Variants in CSMD3 observed in about 807,000 individuals in gnomAD.
CSMD3 encodes CUB and Sushi multiple domains 3.
In CSMD3, 177 loss-of-function variants were observed where a neutral mutation model predicts 435.2. The ratio of observed to expected loss-of-function variants is 0.41; its 90% CI spans 0.36 to 0.46. CSMD3 has a LOEUF of 0.46. Ranked by LOEUF, CSMD3 falls within the 20% of genes least tolerant of loss-of-function variation. The pLI is 0.34. For synonymous variants in CSMD3, 1,656 were observed against 1,520.5 expected (o/e 1.09, Z -2.07); for missense variants, 4,265 against 4,504.6 (o/e 0.95, Z 1.52).
intron 4 of CSMD3, among the ~76,000 whole-genome samples, chr8:113,132,631 C>A (rs955409362): frequency 6.6e-6 from 1 of 152,122 alleles, no homozygotes; most frequent in Non-Finnish European, 1.5e-5. Flanking sequence ...AATCTATTTT[C>A]TTCATAAATT....
chr8:112,651,878 A>G (rs1043425681), intron 18 of CSMD3, among the ~76,000 whole-genome samples: 1 of 151,366 alleles, frequency 6.6e-6, no homozygotes, highest in African/African-American at 2.4e-5. Context: ...TTGATTCCTC[A>G]CTCTTTTCCT....
chr8:113,158,906 TAAAC>T (rs1252175688), intron 4 of CSMD3, among the ~76,000 whole-genome samples: 1 of 151,864 alleles, frequency 6.6e-6, no homozygotes, highest in East Asian at 1.9e-4. Context: ...ACGGAAAAAA[TAAAC>T]AAGACGGTGC....
intron 1 of CSMD3, among the ~76,000 whole-genome samples, chr8:113,381,251 G>A (rs1360144295): frequency 2.6e-5 from 4 of 152,100 alleles, no homozygotes; most frequent in Non-Finnish European, 5.9e-5. Context: ...AAGTGTGAGG[G>A]AAATAATTTA....
intron 1 of CSMD3, among the ~76,000 whole-genome samples, chr8:113,415,419 A>T (rs535436581): frequency 1.3e-5 from 2 of 152,204 alleles, no homozygotes; most frequent in Non-Finnish European, 2.9e-5. Flanking sequence ...TATGATGAAC[A>T]CTAAAAAGAA....
intron 36 of CSMD3, among the ~76,000 whole-genome samples, chr8:112,385,316 A>G (rs1160990465): frequency 6.6e-6 from 1 of 152,218 alleles, no homozygotes; most frequent in East Asian, 1.9e-4. Context: ...CATTGTAAAA[A>G]TTAAATTAGT....
chr8:112,302,770 G>T (rs1253336671), intron 52 of CSMD3, among the ~76,000 whole-genome samples: 1 of 151,686 alleles, frequency 6.6e-6, no homozygotes, highest in Non-Finnish European at 1.5e-5. Flanking sequence ...TGCAAGAGTT[G>T]CATATCAAAT....
At chr8:112,906,501 A>T (rs1158832137) in intron 10 of CSMD3, among the ~76,000 whole-genome samples, 2 of 151,532 alleles carry the variant, frequency 1.3e-5, no homozygotes, top group Non-Finnish European at 3.0e-5. Flanking sequence ...AAAAGGAGAC[A>T]ACTGCCCTTT....
rs181536513 is a variant in CSMD3, at chr8:112,222,965, A to G, written c.*1806T>C. 8 of 396,954 alleles carry G rather than the reference A, an allele frequency of 2.0e-5. No individual in the cohort carries two copies. In the East Asian group the frequency reaches 2.9e-4, roughly 14 times the overall value. 24.6% of individuals were successfully genotyped at this position (396,954 alleles called of 1,614,324 possible). ...AATTATCCATTTTTATTTTGTTTACATTGCACTGAAAATTTACATCATACT... is the reference window on the plus strand; with the variant it reads ...AATTATCCATTTTTATTTTGTTTACGTTGCACTGAAAATTTACATCATACT... On this transcript the variant is annotated 3_prime_UTR_variant, in exon 71 of 71. Transcript: ENST00000297405.
intron 5 of CSMD3, among the ~76,000 whole-genome samples, chr8:113,081,525 T>C (rs748058049): frequency 3.9e-5 from 6 of 152,138 alleles, no homozygotes; most frequent in Non-Finnish European, 8.8e-5. Flanking sequence ...AGCACCCCGA[T>C]ACCCTGAGTA....
intron 2 of CSMD3, among the ~76,000 whole-genome samples, chr8:113,303,061 A>C (rs370659127): frequency 4.7e-4 from 55 of 116,794 alleles, no homozygotes; most frequent in Middle Eastern, 3.9e-3. Context: ...ACTTCAGCAA[A>C]GTCTCAGGAT....
intron 1 of CSMD3, among the ~76,000 whole-genome samples, chr8:113,415,478 G>A (rs1053697918): frequency 2.0e-5 from 3 of 152,062 alleles, no homozygotes; most frequent in Non-Finnish European, 4.4e-5. Flanking sequence ...TCCCTAAAAG[G>A]TAAAATCTTC....
chr8:112,377,536 C>A (rs1196357599), intron 38 of CSMD3, among the ~76,000 whole-genome samples: 1 of 152,008 alleles, frequency 6.6e-6, no homozygotes, highest in South Asian at 2.1e-4. Context: ...GCCAAAGACA[C>A]CACAAGAAAA....
chr8:112,259,103 A>G (rs1816125249), intron 61 of CSMD3, among the ~76,000 whole-genome samples: 1 of 152,148 alleles, frequency 6.6e-6, no homozygotes, highest in Admixed American at 6.5e-5. Flanking sequence ...GTATATACCC[A>G]AAGGATTATA....
chr8:113,151,616 TCAG>T (rs1409895627), intron 4 of CSMD3, among the ~76,000 whole-genome samples: 9 of 152,108 alleles, frequency 5.9e-5, no homozygotes, highest in African/African-American at 2.2e-4. Flanking sequence ...TAAAATAACT[TCAG>T]CAGAAGTTTC....
intron 10 of CSMD3, among the ~76,000 whole-genome samples, chr8:112,900,741 T>A (rs1369463599): frequency 1.3e-5 from 2 of 151,198 alleles, no homozygotes; most frequent in Non-Finnish European, 3.0e-5. Flanking sequence ...AGAAGAAGAA[T>A]GAGGGTCTCA....
rs189211129 is a variant in CSMD3, at chr8:112,429,836, T to C, written c.5396-20804A>G. On this transcript the variant is annotated intron_variant, in intron 32 of 70. Coordinates refer to ENST00000297405, the MANE Select transcript of CSMD3 (RefSeq NM_198123.2). ...CTGCTGGAATAGATCATCAGAAATTTTTTTTCTTTTTTTAATAAAAACTTA... is the reference window on the plus strand; with the variant it reads ...CTGCTGGAATAGATCATCAGAAATTCTTTTTCTTTTTTTAATAAAAACTTA... Among the ~76,000 whole-genome samples, 521 of 152,140 alleles carry C rather than the reference T, an allele frequency of 3.4e-3. 6 individuals are homozygous for C. The highest frequency in any genetic ancestry group is 0.012 in the African/African-American group (490 of 41,530).
intron 61 of CSMD3, 62 bp from the exon 62 acceptor site, chr8:112,255,489 G>A (rs759878131): frequency 1.2e-4 from 164 of 1,410,320 alleles, no homozygotes; most frequent in Non-Finnish European, 1.6e-4. Context: ...TACACAGTTT[G>A]GAAAAATGGT....
intron 35 of CSMD3, among the ~76,000 whole-genome samples, 197 bp downstream of exon 35, chr8:112,406,327 A>T (rs911793676): frequency 1.3e-5 from 2 of 152,022 alleles, no homozygotes; most frequent in Non-Finnish European, 2.9e-5. Context: ...TTCAACACAA[A>T]TTTTTTTATT....
intron 30 of CSMD3, among the ~76,000 whole-genome samples, chr8:112,493,071 A>G (rs1820863550): frequency 6.6e-6 from 1 of 152,112 alleles, no homozygotes; most frequent in Admixed American, 6.5e-5. Context: ...TTTCTAACCC[A>G]GAAGGAAAAG....
Sources: gnomAD v4.1 joint callset for allele counts (sites outside exome capture counted in the v4.1 genomes callset) on GRCh38, gnomAD v4.1.1 for gene constraint, MANE v1.5 for transcripts, NCBI Gene and HGNC (gene_info 2026-07-23, HGNC 2026-07-21) for gene names.